Variants in ENPP3 observed in about 807,000 individuals in gnomAD.
The protein encoded by ENPP3 is ectonucleotide pyrophosphatase/phosphodiesterase 3.
ENPP3 carries 104 observed loss-of-function variants against 117.8 expected under a neutral mutation model. That is an observed-to-expected ratio of 0.88 (90% CI 0.75 to 1.04). The LOEUF (loss-of-function observed/expected upper bound fraction) is 1.04. ENPP3 is among the 50% of genes least tolerant of loss of function. ENPP3 has a pLI of 0.00. For missense variants in ENPP3, 1,026 were observed against 1,051.9 expected (o/e 0.98, Z 0.34); for synonymous variants, 380 against 349.9 (o/e 1.09, Z -0.96).
intron 14 of ENPP3, among the ~76,000 whole-genome samples, chr6:131,692,498 G>A (rs901536370): frequency 6.6e-6 from 1 of 151,290 alleles, no homozygotes; most frequent in African/African-American, 2.4e-5. Flanking sequence ...CTGTTGGAAA[G>A]TACTTTTTTG....
chr6:131,689,093 GC>G (rs1267274678), intron 14 of ENPP3, among the ~76,000 whole-genome samples: 1 of 151,926 alleles, frequency 6.6e-6, no homozygotes, highest in Non-Finnish European at 1.5e-5. Context: ...AAAAGAAGAA[GC>G]CTTCTCCATA....
chr6:131,727,075 A>G (rs987300328), intron 20 of ENPP3, among the ~76,000 whole-genome samples: 3 of 152,214 alleles, frequency 2.0e-5, no homozygotes, highest in Admixed American at 6.5e-5. Context: ...ATGGAACAAT[A>G]TATCTGCATT....
chr6:131,644,229 A>G (rs575507092), intron 2 of ENPP3, among the ~76,000 whole-genome samples: 42 of 152,358 alleles, frequency 2.8e-4, no homozygotes, highest in African/African-American at 1.0e-3. Flanking sequence ...CCTGGTCTTC[A>G]ACTTTCATTC....
intron 14 of ENPP3, among the ~76,000 whole-genome samples, chr6:131,689,894 A>G (rs1176598916): frequency 6.6e-6 from 1 of 152,192 alleles, no homozygotes; most frequent in African/African-American, 2.4e-5. Context: ...CTCCTGGATA[A>G]CTTTGAAGGG....
intron 19 of ENPP3, 22 bp downstream of exon 19, chr6:131,724,113 TAA>T (rs1170889748): frequency 4.5e-6 from 7 of 1,567,012 alleles, no homozygotes; most frequent in Admixed American, 3.3e-5. Flanking sequence ...GAAAACATGT[TAA>T]GTCTTTGATA....
chr6:131,652,492 T>C (rs1366783123), intron 3 of ENPP3, 50 bp from the exon 4 acceptor site: 18 of 1,582,678 alleles, frequency 1.1e-5, no homozygotes, highest in Non-Finnish European at 1.6e-5. Context: ...AATTTGTATA[T>C]TTTATACTGC....
chr6:131,723,454 C>G (rs566495383), intron 18 of ENPP3, among the ~76,000 whole-genome samples: 1 of 152,222 alleles, frequency 6.6e-6, no homozygotes, highest in South Asian at 2.1e-4. Flanking sequence ...TATATTATTT[C>G]TCATTTTAGA....
intron 15 of ENPP3, among the ~76,000 whole-genome samples, chr6:131,694,616 C>T (rs556592661): frequency 4.6e-5 from 7 of 151,990 alleles, no homozygotes; most frequent in Admixed American, 1.3e-4. Flanking sequence ...GGGCAGGTCA[C>T]TTGAGGCCAG....
intron 6 of ENPP3, among the ~76,000 whole-genome samples, chr6:131,661,878 CT>C (rs1778508377): frequency 6.6e-6 from 1 of 152,064 alleles, no homozygotes; most frequent in Non-Finnish European, 1.5e-5. Context: ...GTTTCCTTTT[CT>C]GTGCAGAAAC....
Position 131,724,232 on chromosome 6 carries a change from A to AAAAAAAACAAAAAAAC in ENPP3, c.1798+149_1798+150insAAAAAAACAAAAAAAC, listed in dbSNP as rs1554268307. On this transcript the variant is annotated intron_variant, in intron 19 of 24. Transcript: ENST00000357639. The stretch of plus-strand genomic sequence containing the variant: ...ATTGCCAATATACAAAAGGTAAAAA[A>AAAAAAAACAAAAAAAC]AAAAAAACTCACAACAGATATAATG... 9.4e-4 allele frequency: 570 copies of AAAAAAAACAAAAAAAC among 608,922 alleles called. 16 individuals carry two copies. The African/African-American group carries it at 9.8e-3, about 10-fold the overall frequency. The allele number at this position is 608,922 out of a possible 1,614,324, so 37.7% of individuals were successfully genotyped here.
chr6:131,688,246 T>C (rs1348430595), intron 14 of ENPP3, among the ~76,000 whole-genome samples: 1 of 152,228 alleles, frequency 6.6e-6, no homozygotes, highest in Non-Finnish European at 1.5e-5. Flanking sequence ...CTCCACAAAC[T>C]GGCTGTTTCC....
intron 15 of ENPP3, among the ~76,000 whole-genome samples, chr6:131,701,830 C>A (rs1158473378): frequency 6.7e-6 from 1 of 148,492 alleles, no homozygotes; most frequent in Admixed American, 6.7e-5. Flanking sequence ...TGCAGTGAGC[C>A]GAGATCGCAA....
intron 2 of ENPP3, among the ~76,000 whole-genome samples, chr6:131,645,378 G>A (rs1562424722): frequency 6.6e-6 from 1 of 152,200 alleles, no homozygotes; most frequent in Admixed American, 6.5e-5. Context: ...ATTTTTGGCA[G>A]TGTGCAGTTG....
chr6:131,694,491 G>C (rs534396505), intron 15 of ENPP3, among the ~76,000 whole-genome samples: 1 of 152,126 alleles, frequency 6.6e-6, no homozygotes, highest in East Asian at 1.9e-4. Context: ...CATTTTTCTA[G>C]CCTATTTAAT....
Position 131,683,162 on chromosome 6 carries a change from G to A in ENPP3, c.1120G>A (p.Gly374Arg). 1 of 1,531,868 alleles carries A rather than the reference G, an allele frequency of 6.5e-7. No homozygotes were observed. The highest frequency in any genetic ancestry group is 1.2e-5 in the South Asian group (1 of 86,832). The allele number at this position is 1,531,868 out of a possible 1,614,324, so 94.9% of individuals were successfully genotyped here. A position where few individuals can be genotyped will look rare whatever the true frequency, so the allele number is the denominator to read the frequency against. Residue 374 changes from glycine to arginine, a missense_variant and splice_region_variant, in exon 12 of 25, where the codon GGA becomes AGA. Transcript: ENST00000357639. ...CVNIILLADHGMDQTYCNKME... is the reference protein window; with the variant it reads ...CVNIILLADHRMDQTYCNKME... ...CAATATCATCCTTCTGGCTGACCAT[G>A]GTATGCTTTTAAAAAACATTCTTAT...
chr6:131,675,308 A>G, intron 9 of ENPP3, 119 bp downstream of exon 9: 1 of 657,216 alleles, frequency 1.5e-6, no homozygotes, highest in South Asian at 1.8e-5. Flanking sequence ...CTTGGGAATC[A>G]CCATTGATTC....
chr6:131,724,598 C>A (rs997690806), intron 19 of ENPP3, among the ~76,000 whole-genome samples: 1 of 152,134 alleles, frequency 6.6e-6, no homozygotes, highest in Non-Finnish European at 1.5e-5. Context: ...GTATTAAACT[C>A]ACTCTGTTTC....
chr6:131,685,345 T>C lies in ENPP3; in HGVS notation c.1121-19T>C, dbSNP rs559044588. On this transcript the variant is annotated intron_variant, in intron 12 of 24. Coordinates refer to ENST00000357639, the MANE Select transcript of ENPP3 (RefSeq NM_005021.5). ...TTTATATACATTCAGTGGGTTATTA[T>C]GATTATTTTTTTATTCAGGAATGGA... The C allele has an allele frequency of 6.7e-5, 107 of 1,595,462 alleles. No individual in the cohort carries two copies. Among genetic ancestry groups the C allele is most frequent in the Non-Finnish European group, 8.5e-5 (99 of 1,166,652 alleles).
rs143487852 is a variant in ENPP3, at chr6:131,639,246, A to AATAT, written c.78+1801_78+1804dup. Among the ~76,000 whole-genome samples the AATAT allele has an allele frequency of 3.0e-3, 381 of 126,278 alleles. 3 individuals are homozygous for AATAT. Among genetic ancestry groups the AATAT allele is most frequent in the African/African-American group, 1.0e-2 (313 of 31,334 alleles). 82.8% of individuals were successfully genotyped at this position (126,278 alleles called of 152,430 possible). On this transcript the variant is annotated intron_variant, in intron 1 of 24. Transcript: ENST00000357639. ...GAGTGCTCTTTATAGCTCTTATGCTAATATATATATATATATATATTTTTT... is the reference window on the plus strand; with the variant it reads ...GAGTGCTCTTTATAGCTCTTATGCTAATATATATATATATATATATATATTTTTT...
Sources: allele counts gnomAD v4.1 joint callset (sites outside exome capture counted in the v4.1 genomes callset), GRCh38; gene constraint gnomAD v4.1.1; transcripts MANE v1.5; gene names NCBI Gene and HGNC (gene_info 2026-07-23, HGNC 2026-07-21).